HTRA4: variants seen among roughly 807,000 people sequenced by gnomAD.
HTRA4 encodes the protein serine protease HTRA4.
A neutral mutation model predicts 49.1 loss-of-function variants in HTRA4; 46 were observed. The ratio of observed to expected loss-of-function variants is 0.94; its 90% CI spans 0.74 to 1.20. The LOEUF (loss-of-function observed/expected upper bound fraction) is 1.20, where lower values mean the gene tolerates loss of function less well. Among genes scored for constraint, HTRA4 ranks in the 50% most tolerant of loss-of-function variants. The pLI, the probability that HTRA4 is intolerant of heterozygous loss-of-function variation, is 0.00. For missense variants in HTRA4, 602 were observed against 636.9 expected (o/e 0.95, Z 0.59); for synonymous variants, 261 against 264.0 (o/e 0.99, Z 0.11).
At chr8:38,978,843 A>C (rs1238518318) in intron 4 of HTRA4, among the ~76,000 whole-genome samples, 2 of 151,968 alleles carry the variant, frequency 1.3e-5, no homozygotes, top group African/African-American at 2.4e-5. Flanking sequence ...AAAAATACAA[A>C]AATTAGCTGG....
chr8:38,978,280 C>T (rs541541491), intron 4 of HTRA4, 133 bp downstream of exon 4: 8 of 702,364 alleles, frequency 1.1e-5, no homozygotes, highest in Admixed American at 3.1e-5. Flanking sequence ...AGTTCCACCT[C>T]CTGTCAGATC....
At position 38,977,975 on chromosome 8, in the gene HTRA4, T is replaced by C. The variant is rs749224424; in HGVS notation, c.794T>C (p.Leu265Pro). ...ESNAELPVLM[L>P]GRSSDLRAGE... is the part of the protein sequence containing the mutation. ...CAGGCTGAACTTCCTGTACTGATGC[T>C]GGGAAGATCATCTGACCTTCGGGCT... is the stretch of plus-strand genomic sequence containing the variant. The change falls in exon 4 of 9, where the codon CTG (leucine) becomes CCG (proline). Residue 265 changes from leucine to proline, a missense_variant. Leu to Pro is a moderately conservative substitution (Grantham distance 98). Coordinates refer to ENST00000302495, the MANE Select transcript of HTRA4 (RefSeq NM_153692.4). 7.4e-6 allele frequency: 12 copies of C among 1,614,078 alleles called. No homozygotes were observed. The Admixed American group carries it at 1.8e-4, about 25-fold the overall frequency.
chr8:38,981,087 T>TTTTG lies in HTRA4; in HGVS notation c.1000-563_1000-562insGTTT, dbSNP rs769848363. Among the ~76,000 whole-genome samples the TTTTG allele has an allele frequency of 5.0e-3, 625 of 124,450 alleles. 32 individuals are homozygous for TTTTG. Among genetic ancestry groups the TTTTG allele is most frequent in the Middle Eastern group, 0.019 (5 of 268 alleles). The allele number at this position is 124,450 out of a possible 152,430, so 81.6% of individuals were successfully genotyped here. Reference sequence around the variant, plus strand: ...AGTTTTTTTTTTTTTTTTTTTTTTTTTTTTTTTTTTGAGACGGAGTCTCGC... The same window carrying TTTTG: ...AGTTTTTTTTTTTTTTTTTTTTTTTTTTTGTTTTTTTTTTGAGACGGAGTCTCGC... On this transcript the variant is annotated intron_variant, in intron 5 of 8. Transcript: ENST00000302495.
At chr8:38,976,773 A>G in intron 3 of HTRA4, 34 bp downstream of exon 3, 4 of 1,605,078 alleles carry the variant, frequency 2.5e-6, no homozygotes, top group Non-Finnish European at 3.4e-6. Flanking sequence ...GAGTCTACAT[A>G]TTTGGGGATT....
chr8:38,974,717 T>C lies in HTRA4; in HGVS notation c.454T>C (p.Cys152Arg). The C allele has an allele frequency of 2.1e-6, 3 of 1,427,350 alleles. No homozygotes were observed. Among genetic ancestry groups the C allele is most frequent in the Non-Finnish European group, 2.7e-6 (3 of 1,100,056 alleles). The allele number at this position is 1,427,350 out of a possible 1,614,324, so 88.4% of individuals were successfully genotyped here. A position where few individuals can be genotyped will look rare whatever the true frequency, so the allele number is the denominator to read the frequency against. ...VPAVPVQWGN[C>R]GDTGTRSAGP... Reference sequence around the variant, plus strand: ...GGCCGTGCCTGTGCAGTGGGGGAACTGCGGGGATACAGGTGAGCCGCGGGG... The same window carrying C: ...GGCCGTGCCTGTGCAGTGGGGGAACCGCGGGGATACAGGTGAGCCGCGGGG... Residue 152 changes from cysteine to arginine, a missense_variant, in exon 1 of 9, where the codon TGC becomes CGC. Physicochemically the swap from Cys to Arg is radical, Grantham distance 180. Coordinates refer to ENST00000302495, the MANE Select transcript of HTRA4 (RefSeq NM_153692.4).
Position 38,974,336 on chromosome 8 carries a change from C to A in HTRA4, c.73C>A (p.Pro25Thr). Residue 25 changes from proline to threonine, a missense_variant, in exon 1 of 9, where the codon CCC becomes ACC. Physicochemically the swap from Pro to Thr is conservative, Grantham distance 38. Coordinates refer to ENST00000302495, the MANE Select transcript of HTRA4 (RefSeq NM_153692.4). ...LLPGLLLLLV[P>T]VLWAGAEKLH... Reference sequence around the variant, plus strand: ...GCCGGGGCTGCTGCTGCTCCTGGTGCCCGTCCTCTGGGCCGGGGCTGAAAA... The same window carrying A: ...GCCGGGGCTGCTGCTGCTCCTGGTGACCGTCCTCTGGGCCGGGGCTGAAAA... 6.2e-7 allele frequency: 1 copy of A among 1,612,366 alleles called. No individual in the cohort carries two copies. The highest frequency in any genetic ancestry group is 8.5e-7 in the Non-Finnish European group (1 of 1,179,670).
rs575023840 is a variant in HTRA4, at chr8:38,974,975, A to G, written c.467-56A>G. On this transcript the variant is annotated intron_variant, in intron 1 of 8. Coordinates refer to ENST00000302495, the MANE Select transcript of HTRA4 (RefSeq NM_153692.4). ...TCTTGCCTTTAACATTTTTCCAACT[A>G]GGATAGCAGGTCTGGTTCCCTCGAG... is the stretch of plus-strand genomic sequence containing the variant. The G allele has an allele frequency of 6.7e-4, 1,064 of 1,587,664 alleles. 2 individuals carry two copies. The highest frequency in any genetic ancestry group is 3.6e-3 in the Admixed American group (214 of 59,910).
In HTRA4 at chr8:38,988,135, A is replaced by AC. The variant is rs1564184467; in HGVS notation, c.*37_*38insC. 5 of 1,505,850 alleles carry AC rather than the reference A, an allele frequency of 3.3e-6. No individual in the cohort carries two copies. In the East Asian group the frequency reaches 7.2e-5, roughly 22 times the overall value. The allele number at this position is 1,505,850 out of a possible 1,614,324, so 93.3% of individuals were successfully genotyped here. On this transcript the variant is annotated 3_prime_UTR_variant, in exon 9 of 9. Coordinates refer to ENST00000302495, the MANE Select transcript of HTRA4 (RefSeq NM_153692.4). Reference sequence around the variant, plus strand: ...TAAAGTGGGATTATCTAAAAAAAAAAAAACCAGTTATATCACGTGGTTTGT... The same window carrying AC: ...TAAAGTGGGATTATCTAAAAAAAAAACAAACCAGTTATATCACGTGGTTTGT...
rs762716727 is a variant in HTRA4, at chr8:38,978,086, G to A, written c.905G>A (p.Gly302Asp). The change falls in exon 4 of 9, where the codon GGC (glycine) becomes GAC (aspartate). Residue 302 changes from glycine (G) to aspartate (D), a missense_variant. Gly to Asp is a moderately conservative substitution (Grantham distance 94, BLOSUM62 -1). Coordinates refer to ENST00000302495, the MANE Select transcript of HTRA4 (RefSeq NM_153692.4). ...AGIVSTKQRG[G>D]KELGMKDSDM... ...ATTGTCAGCACCAAACAGCGAGGGG[G>A]CAAAGAACTGGGGATGAAGGATTCA... The A allele has an allele frequency of 5.0e-6, 8 of 1,614,130 alleles. No homozygotes were observed. Among genetic ancestry groups the A allele is most frequent in the Non-Finnish European group, 6.8e-6 (8 of 1,180,002 alleles).
At chr8:38,980,412 T>A (rs568715027) in intron 5 of HTRA4, among the ~76,000 whole-genome samples, 9 of 152,036 alleles carry the variant, frequency 5.9e-5, no homozygotes, top group Non-Finnish European at 1.3e-4. Context: ...TGAATTACAA[T>A]CTGTAGTTTA....
intron 1 of HTRA4, 39 bp from the exon 2 acceptor site, chr8:38,974,992 T>G: frequency 6.2e-7 from 1 of 1,606,882 alleles, no homozygotes; most frequent in East Asian, 2.2e-5. Flanking sequence ...CAGGTCTGGT[T>G]CCCTCGAGGC....
chr8:38,977,174 G>C (rs1167393351), intron 3 of HTRA4, among the ~76,000 whole-genome samples: 2 of 151,938 alleles, frequency 1.3e-5, no homozygotes, highest in African/African-American at 4.8e-5. Context: ...GACCTCAAGT[G>C]ATCCGCCCGC....
rs575569072 is a variant in HTRA4, at chr8:38,986,458, G to A, written c.1269-1478G>A. Among the ~76,000 whole-genome samples, 6 of 152,100 alleles carry A rather than the reference G, an allele frequency of 3.9e-5. No individual in the cohort carries two copies. The East Asian group carries it at 9.7e-4, about 24-fold the overall frequency. On this transcript the variant is annotated intron_variant, in intron 8 of 8. Transcript: ENST00000302495. ...TAATTATTGTACTTTTAATAGAGACGAGGTTTCACTATGTTGGGCAGGCTG... is the reference window on the plus strand; with the variant it reads ...TAATTATTGTACTTTTAATAGAGACAAGGTTTCACTATGTTGGGCAGGCTG...
rs71216700 is a variant in HTRA4 at position 38,981,063 on chromosome 8, G to GTTTTTT, written c.1000-561_1000-556dup. On this transcript the variant is annotated intron_variant, in intron 5 of 8. Coordinates refer to ENST00000302495, the MANE Select transcript of HTRA4 (RefSeq NM_153692.4). ...TACTAAAGGAAAAAAATGAGCTTAA[G>GTTTTTT]TTTTTTTTTTTTTTTTTTTTTTTTT... 6.3e-3 allele frequency among the ~76,000 whole-genome samples: 304 copies of GTTTTTT among 48,036 alleles called. 19 individuals are homozygous for GTTTTTT. The highest frequency in any genetic ancestry group is 0.011 in the East Asian group (10 of 906). 31.5% of individuals were successfully genotyped at this position (48,036 alleles called of 152,430 possible). A position where few individuals can be genotyped will look rare whatever the true frequency, so the allele number is the denominator to read the frequency against.
At chr8:38,985,161 C>CTTT (rs773305917) in intron 8 of HTRA4, among the ~76,000 whole-genome samples, 47,022 of 130,258 alleles carry the variant, frequency 0.36, 9,076 homozygotes, top group East Asian at 0.72. Flanking sequence ...TGTTGTACTT[C>CTTT]TTTTTTTTTT....
In HTRA4 at chr8:38,985,612, T is replaced by C. The variant is rs567807117; in HGVS notation, c.1269-2324T>C. ...AGTCATAGGTCTCATGTTACTAAAT[T>C]TGGCTTGTCCCTGGTTTCTCTGGAC... On this transcript the variant is annotated intron_variant, in intron 8 of 8. Transcript: ENST00000302495. 1.3e-4 allele frequency among the ~76,000 whole-genome samples: 20 copies of C among 152,320 alleles called. 1 individual carries two copies. Among genetic ancestry groups the C allele is most frequent in the Non-Finnish European group, 2.2e-4 (15 of 68,028 alleles).
At chr8:38,982,782 G>C (rs1319551896) in intron 7 of HTRA4, among the ~76,000 whole-genome samples, 171 bp from the exon 8 acceptor site, 2 of 152,146 alleles carry the variant, frequency 1.3e-5, no homozygotes, top group African/African-American at 4.8e-5. Flanking sequence ...TCTAGGCTTT[G>C]GGATAGAGGC....
chr8:38,979,343 C>G, intron 5 of HTRA4, 96 bp downstream of exon 5: 1 of 1,144,746 alleles, frequency 8.7e-7, no homozygotes, highest in East Asian at 2.3e-5. Flanking sequence ...GCCTGTAATC[C>G]CAGCACATTT....
chr8:38,984,484 C>G (rs1249273521), intron 8 of HTRA4, among the ~76,000 whole-genome samples: 1 of 151,734 alleles, frequency 6.6e-6, no homozygotes, highest in Admixed American at 6.6e-5. Context: ...CCGTGACTCA[C>G]GCCTGTAATC....
Sources: gnomAD v4.1 joint callset for allele counts (sites outside exome capture counted in the v4.1 genomes callset) on GRCh38, gnomAD v4.1.1 for gene constraint, MANE v1.5 for transcripts, NCBI Gene and HGNC (gene_info 2026-07-23, HGNC 2026-07-21) for gene names.